MEIS2: variants seen among roughly 807,000 people sequenced by gnomAD.
The protein encoded by MEIS2 is Meis homeobox 2.
In MEIS2, 9 loss-of-function variants were observed where a neutral mutation model predicts 58.6. That is an observed-to-expected ratio of 0.15 (90% confidence interval 0.09 to 0.27). MEIS2 has a LOEUF of 0.27. MEIS2 is among the 10% of genes least tolerant of loss of function. The pLI is 1.00. For synonymous variants in MEIS2, 221 were observed against 228.4 expected (o/e 0.97, Z 0.29); for missense variants, 427 against 635.0 (o/e 0.67, Z 3.52).
chr15:36,962,729 T>A (rs1490439255), intron 8 of MEIS2, among the ~76,000 whole-genome samples: 3 of 152,258 alleles, frequency 2.0e-5, no homozygotes, highest in Non-Finnish European at 4.4e-5. Flanking sequence ...AATATTTAAT[T>A]TAAATACCTT....
intron 8 of MEIS2, among the ~76,000 whole-genome samples, chr15:36,999,664 A>C (rs1232746273): frequency 6.6e-6 from 1 of 152,186 alleles, no homozygotes; most frequent in African/African-American, 2.4e-5. Context: ...CACTGACAAC[A>C]AACGCACTTT....
intron 9 of MEIS2, among the ~76,000 whole-genome samples, chr15:36,946,683 A>G (rs909007356): frequency 1.3e-5 from 2 of 151,980 alleles, no homozygotes; most frequent in African/African-American, 4.8e-5. Context: ...CCAGCACCAT[A>G]CTGACCACTT....
At chr15:36,956,574 G>A (rs1261571646) in intron 8 of MEIS2, among the ~76,000 whole-genome samples, 2 of 152,076 alleles carry the variant, frequency 1.3e-5, no homozygotes, top group Admixed American at 1.3e-4. Flanking sequence ...ACTGTTAAAA[G>A]TGTTGTTTTT....
chr15:36,907,675 G>T (rs2056807357), intron 9 of MEIS2, among the ~76,000 whole-genome samples: 1 of 152,142 alleles, frequency 6.6e-6, no homozygotes, highest in African/African-American at 2.4e-5. Flanking sequence ...TTGTAGCTTG[G>T]TCTCTTGTTT....
intron 1 of MEIS2, among the ~76,000 whole-genome samples, chr15:37,098,722 CT>C (rs1195502969): frequency 6.6e-6 from 1 of 152,096 alleles, no homozygotes; most frequent in Non-Finnish European, 1.5e-5. Context: ...GATCCCACCC[CT>C]AACCCCCCTT....
intron 7 of MEIS2, among the ~76,000 whole-genome samples, chr15:37,067,596 TAAA>T (rs5811961): frequency 6.9e-6 from 1 of 144,720 alleles, no homozygotes; most frequent in Non-Finnish European, 1.5e-5. Context: ...AATCAGAAAT[TAAA>T]AAAAAAAAAA....
chr15:36,892,566 A>C, intron 11 of MEIS2, 107 bp from the exon 12 acceptor site: 1 of 973,464 alleles, frequency 1.0e-6, no homozygotes, highest in South Asian at 1.6e-5. Context: ...AGACACTGCA[A>C]ATCTTATACC....
Position 36,899,660 on chromosome 15 carries a change from C to T in MEIS2, c.978-2974G>A, listed in dbSNP as rs1040983842. On this transcript the variant is annotated intron_variant, in intron 9 of 11. Coordinates refer to ENST00000561208, the MANE Select transcript of MEIS2 (RefSeq NM_170675.5). The stretch of plus-strand genomic sequence containing the variant: ...AATTTGAAGAAGCTAAGTTGAAAAT[C>T]AACTCATCTTCAGTCTTTCAAGGTT... 7.9e-5 allele frequency among the ~76,000 whole-genome samples: 12 copies of T among 152,090 alleles called. No homozygotes were observed. In the South Asian group the frequency reaches 2.5e-3, roughly 31 times the overall value.
intron 7 of MEIS2, among the ~76,000 whole-genome samples, chr15:37,069,385 T>C (rs984655683): frequency 1.3e-5 from 2 of 152,218 alleles, no homozygotes; most frequent in African/African-American, 4.8e-5. Flanking sequence ...CTAACTGCTA[T>C]GAAGCGTTCA....
chr15:36,946,398 C>T (rs16964375), intron 9 of MEIS2, among the ~76,000 whole-genome samples: 5,677 of 150,632 alleles, frequency 0.038, 242 homozygotes, highest in East Asian at 0.17. Context: ...CCTAATCTTA[C>T]CTCCCTGCCA....
chr15:37,043,510 G>C (rs1239003961), intron 7 of MEIS2, among the ~76,000 whole-genome samples: 6 of 152,004 alleles, frequency 3.9e-5, no homozygotes, highest in African/African-American at 1.5e-4. Context: ...AAATTAAATT[G>C]TCACTATTTA....
At chr15:36,993,218 G>C (rs1595885364) in intron 8 of MEIS2, among the ~76,000 whole-genome samples, 1 of 152,086 alleles carries the variant, frequency 6.6e-6, no homozygotes, top group Admixed American at 6.6e-5. Flanking sequence ...AAACCCATGA[G>C]AGTTTAATTC....
At chr15:37,070,328 A>G (rs1890530863) in intron 7 of MEIS2, among the ~76,000 whole-genome samples, 1 of 152,168 alleles carries the variant, frequency 6.6e-6, no homozygotes, top group Non-Finnish European at 1.5e-5. Flanking sequence ...AAGATGCAGG[A>G]AGACTCCCTA....
At chr15:36,900,280 C>T (rs1595678027) in intron 9 of MEIS2, among the ~76,000 whole-genome samples, 2 of 152,044 alleles carry the variant, frequency 1.3e-5, no homozygotes, top group Non-Finnish European at 2.9e-5. Context: ...TTTCATTAGC[C>T]TCATTGTGAC....
intron 7 of MEIS2, among the ~76,000 whole-genome samples, chr15:37,075,264 A>G (rs921754550): frequency 6.6e-6 from 1 of 152,088 alleles, no homozygotes; most frequent in African/African-American, 2.4e-5. Flanking sequence ...TGCACATAAT[A>G]TAAGACATTA....
intron 9 of MEIS2, among the ~76,000 whole-genome samples, chr15:36,907,554 ATCC>A (rs1430604607): frequency 6.6e-6 from 1 of 152,214 alleles, no homozygotes; most frequent in Non-Finnish European, 1.5e-5. Context: ...CCAGGCTCTT[ATCC>A]TCCTCTCAAT....
At chr15:36,969,035 C>T (rs1476850908) in intron 8 of MEIS2, among the ~76,000 whole-genome samples, 1 of 152,172 alleles carries the variant, frequency 6.6e-6, no homozygotes, top group African/African-American at 2.4e-5. Flanking sequence ...TTGTTAAAGA[C>T]ATTTGAAGAA....
In MEIS2 at chr15:37,013,941, A is replaced by G. The variant is rs553570390; in HGVS notation, c.900+22873T>C. Among the ~76,000 whole-genome samples, 3 of 152,348 alleles carry G rather than the reference A, an allele frequency of 2.0e-5. No individual in the cohort carries two copies. The South Asian group carries it at 6.2e-4, about 32-fold the overall frequency. ...CATTTCTGTAACTTCACACTTGAGC[A>G]TACAAAATCTCCACTTGGTGAAGAA... On this transcript the variant is annotated intron_variant, in intron 8 of 11. Transcript: ENST00000561208.
At chr15:37,039,100 G>A (rs1197610416) in intron 7 of MEIS2, among the ~76,000 whole-genome samples, 1 of 152,144 alleles carries the variant, frequency 6.6e-6, no homozygotes, top group Non-Finnish European at 1.5e-5. Context: ...GTAGCCTGAG[G>A]CAATTTTGAA....
Sources: gnomAD v4.1 joint callset for allele counts (sites outside exome capture counted in the v4.1 genomes callset) on GRCh38, gnomAD v4.1.1 for gene constraint, MANE v1.5 for transcripts, NCBI Gene and HGNC (gene_info 2026-07-23, HGNC 2026-07-21) for gene names.